ARHGEF18: variants seen among roughly 807,000 people sequenced by gnomAD.
ARHGEF18 encodes the protein Rho/Rac guanine nucleotide exchange factor 18, also known as rho guanine nucleotide exchange factor 18.
Under a neutral mutation model 155.7 loss-of-function variants are expected in ARHGEF18, and 93 were observed. That is an observed-to-expected ratio of 0.60 (90% CI 0.50 to 0.71). The LOEUF (loss-of-function observed/expected upper bound fraction) is 0.71, where lower values mean the gene tolerates loss of function less well. Ranked by LOEUF, ARHGEF18 falls within the 30% of genes least tolerant of loss-of-function variation. The pLI, the probability that ARHGEF18 is intolerant of heterozygous loss-of-function variation, is 0.00. For missense variants in ARHGEF18, 1,593 were observed against 1,816.1 expected (o/e 0.88, Z 2.23); for synonymous variants, 742 against 753.1 (o/e 0.99, Z 0.24).
At chr19:7,441,617 T>C (rs760129848) in intron 11 of ARHGEF18, 36 bp from the exon 12 acceptor site, 2 of 1,576,142 alleles carry the variant, frequency 1.3e-6, no homozygotes, top group South Asian at 2.2e-5. Flanking sequence ...TTTAATTCAC[T>C]TTTCTAAAAC....
At chr19:7,367,242 G>A (rs1969925373) in intron 2 of ARHGEF18, among the ~76,000 whole-genome samples, 1 of 152,176 alleles carries the variant, frequency 6.6e-6, no homozygotes, top group African/African-American at 2.4e-5. Flanking sequence ...GTCATGCTAA[G>A]CTAACAACAG....
intron 2 of ARHGEF18, among the ~76,000 whole-genome samples, chr19:7,366,192 C>T (rs1600196588): frequency 6.6e-6 from 1 of 152,324 alleles, no homozygotes; most frequent in South Asian, 2.1e-4. Context: ...GTGATCCACC[C>T]GCCTCAGGCC....
chr19:7,385,591 C>T (rs189918200), intron 10 of ARHGEF18, among the ~76,000 whole-genome samples: 1 of 151,122 alleles, frequency 6.6e-6, no homozygotes, highest in Non-Finnish European at 1.5e-5. Flanking sequence ...TTCTCCTGCC[C>T]CAGCCTCCCG....
chr19:7,448,776 G>C (rs190457820), intron 15 of ARHGEF18, among the ~76,000 whole-genome samples: 8 of 152,232 alleles, frequency 5.3e-5, no homozygotes, highest in Admixed American at 4.6e-4. Context: ...TGTGAGCGTG[G>C]GTAGGTGCTC....
chr19:7,357,614 T>C (rs528225960), intron 1 of ARHGEF18, among the ~76,000 whole-genome samples: 1 of 152,246 alleles, frequency 6.6e-6, no homozygotes, highest in East Asian at 1.9e-4. Context: ...TTAGCTCCCC[T>C]GGGAGAGTGA....
At position 7,468,973 on chromosome 19, in the gene ARHGEF18, C is replaced by G; in HGVS notation, c.3629C>G (p.Ala1210Gly). ...AGCGCCCCCACCGAGAACCGGCTGG[C>G]CAAGAGCGATGTGCCCATCCAGCTG... ...RDSAPTENRL[A>G]KSDVPIQLLS... is the part of the protein sequence containing the mutation. Residue 1210 changes from alanine (A) to glycine (G), a missense_variant, in exon 27 of 29, where the codon GCC becomes GGC. Transcript: ENST00000668164. 6.3e-7 allele frequency: 1 copy of G among 1,590,436 alleles called. No individual in the cohort carries two copies. Among genetic ancestry groups the G allele is most frequent in the Non-Finnish European group, 8.5e-7 (1 of 1,170,040 alleles).
intron 10 of ARHGEF18, among the ~76,000 whole-genome samples, chr19:7,435,148 G>A (rs1263265999): frequency 1.3e-5 from 2 of 151,852 alleles, no homozygotes; most frequent in Admixed American, 1.3e-4. Flanking sequence ...GCAGTGAGCC[G>A]AGATCACCCT....
chr19:7,360,403 TG>T (rs1373602746), intron 1 of ARHGEF18, among the ~76,000 whole-genome samples: 1 of 152,008 alleles, frequency 6.6e-6, no homozygotes, highest in Non-Finnish European at 1.5e-5. Context: ...GCCCAGCTAA[TG>T]TTTGTATTTT....
In ARHGEF18 at chr19:7,375,745, G is replaced by T; in HGVS notation, c.301G>T (p.Asp101Tyr). The change falls in exon 4 of 29, where the codon GAT becomes TAT. Residue 101 changes from aspartate (D) to tyrosine (Y), a missense_variant. Transcript: ENST00000668164. The stretch of plus-strand genomic sequence containing the variant: ...GCTCAGCCTCGATGCCTCAGCTGTG[G>T]ATGAGGAACCCTGTCTCCCCCGAAC... ...RRLSLDASAV[D>Y]EEPCLPRTLA... The T allele has an allele frequency of 8.1e-7, 1 of 1,234,474 alleles. No homozygotes were observed. Among genetic ancestry groups the T allele is most frequent in the East Asian group, 3.2e-5 (1 of 31,704 alleles). 76.5% of individuals were successfully genotyped at this position (1,234,474 alleles called of 1,614,324 possible).
chr19:7,469,575 C>T lies in ARHGEF18; in HGVS notation c.3788-329C>T, dbSNP rs148752496. 4.6e-3 allele frequency among the ~76,000 whole-genome samples: 693 copies of T among 152,264 alleles called. 8 individuals are homozygous for T. The highest frequency in any genetic ancestry group is 0.025 in the South Asian group (120 of 4,818). ...TGTCCAGGAGCTCCTCTGGGGGACA[C>T]CTCCCTGGGGGACAACCAGGGATGT... On this transcript the variant is annotated intron_variant, in intron 27 of 28. Transcript: ENST00000668164.
chr19:7,412,058 T>C (rs1480314341), intron 10 of ARHGEF18, among the ~76,000 whole-genome samples: 1 of 151,246 alleles, frequency 6.6e-6, no homozygotes, highest in Non-Finnish European at 1.5e-5. Flanking sequence ...TTTTTTGAGA[T>C]GGAGTCTCGC....
At chr19:7,354,539 C>T (rs1200122014) in intron 1 of ARHGEF18, among the ~76,000 whole-genome samples, 2 of 152,128 alleles carry the variant, frequency 1.3e-5, no homozygotes, top group Admixed American at 6.6e-5. Context: ...AAAGGAGCTT[C>T]CACCACGAGG....
intron 10 of ARHGEF18, among the ~76,000 whole-genome samples, chr19:7,409,047 G>C (rs906250746): frequency 1.3e-5 from 2 of 148,796 alleles, no homozygotes; most frequent in African/African-American, 5.0e-5. Context: ...GCAAGAGCAA[G>C]ACCCTGTTTC....
intron 10 of ARHGEF18, among the ~76,000 whole-genome samples, chr19:7,431,529 A>AAAAAAAAAAAAAAG (rs901539858): frequency 5.9e-4 from 86 of 146,922 alleles, no homozygotes; most frequent in South Asian, 2.0e-3. Context: ...AAAAAAAAAA[A>AAAAAAAAAAAAAAG]AAAAGGCCGG....
At chr19:7,431,510 C>CAAAAAAAAAAAAAAAAAA (rs34609858) in intron 10 of ARHGEF18, among the ~76,000 whole-genome samples, 5 of 51,294 alleles carry the variant, frequency 9.7e-5, no homozygotes, top group African/African-American at 4.0e-4. Flanking sequence ...GACTCCATCT[C>CAAAAAAAAAAAAAAAAAA]AAAAAAAAAA....
At position 7,462,406 on chromosome 19, in the gene ARHGEF18, C is replaced by T; in HGVS notation, c.2635+72C>T. 6.2e-6 allele frequency: 9 copies of T among 1,456,838 alleles called. No homozygotes were observed. The South Asian group carries it at 8.4e-5, about 14-fold the overall frequency. The allele number at this position is 1,456,838 out of a possible 1,614,324, so 90.2% of individuals were successfully genotyped here. Reference sequence around the variant, plus strand: ...GCTCCTCAGGGAACCCCAGGCCAGGCTCACGGCTCATTGTGGCCGACACGG... The same window carrying T: ...GCTCCTCAGGGAACCCCAGGCCAGGTTCACGGCTCATTGTGGCCGACACGG... On this transcript the variant is annotated intron_variant, in intron 21 of 28. Transcript: ENST00000668164. This position sits in a 1 kb window ranked among gnomAD's most constrained non-coding sequence, Gnocchi z 4.4.
chr19:7,424,603 A>T (rs938587691), intron 10 of ARHGEF18, among the ~76,000 whole-genome samples: 4 of 152,216 alleles, frequency 2.6e-5, no homozygotes, highest in African/African-American at 9.6e-5. Context: ...GTGTCAATAA[A>T]GATGGGGGCA....
chr19:7,441,893 C>T lies in ARHGEF18; in HGVS notation c.1220-19C>T, dbSNP rs1423572446. 2 of 1,613,876 alleles carry T rather than the reference C, an allele frequency of 1.2e-6. No individual in the cohort carries two copies. Among genetic ancestry groups the T allele is most frequent in the African/African-American group, 1.3e-5 (1 of 75,046 alleles). On this transcript the variant is annotated intron_variant, in intron 12 of 28. Transcript: ENST00000668164. ...CATGGCTCTGGGCCCCCAGCAGCCA[C>T]ACCTCGCTCTTCCCTCAGATCCCTA...
At position 7,424,999 on chromosome 19, in the gene ARHGEF18, A is replaced by G. The variant is rs572020068; in HGVS notation, c.968-15345A>G. 3.0e-3 allele frequency among the ~76,000 whole-genome samples: 449 copies of G among 151,518 alleles called. 1 individual carries two copies. The highest frequency in any genetic ancestry group is 6.9e-3 in the Middle Eastern group (2 of 290). ...CAGAGTGAGACTACGTCTCGGGGAA[A>G]AAAAAAAAAAAGGCTCAAATTCAGG... On this transcript the variant is annotated intron_variant, in intron 10 of 28. Transcript: ENST00000668164.
Sources: gnomAD v4.1 joint callset for allele counts (sites outside exome capture counted in the v4.1 genomes callset) on GRCh38, gnomAD v4.1.1 for gene constraint, Gnocchi (gnomAD v3.1) non-coding constraint, MANE v1.5 for transcripts, NCBI Gene and HGNC (gene_info 2026-07-23, HGNC 2026-07-21) for gene names.